Variants in CIITA observed in about 807,000 individuals in gnomAD.
CIITA encodes the protein class II major histocompatibility complex transactivator.
A neutral mutation model predicts 115.1 loss-of-function variants in CIITA; 72 were observed. That is an observed-to-expected ratio of 0.63 (90% confidence interval 0.52 to 0.76). The LOEUF (loss-of-function observed/expected upper bound fraction) is 0.76, where lower values mean the gene tolerates loss of function less well. Ranked by LOEUF, CIITA falls within the 30% of genes least tolerant of loss-of-function variation. The probability of loss-of-function intolerance (pLI) is 0.00; values close to 1 mark genes in which losing one functional copy is unlikely to be tolerated. For missense variants in CIITA, 1,617 were observed against 1,463.8 expected, an observed-to-expected ratio of 1.10 and a Z score of -1.71; for synonymous variants, 763 against 635.6, an observed-to-expected ratio of 1.20 and a Z score of -3.02.
chr16:10,878,183 G>A, intron 1 of CIITA, among the ~76,000 whole-genome samples: 1 of 152,118 alleles, frequency 6.6e-6, no homozygotes, highest in East Asian at 1.9e-4. Flanking sequence ...TGGTTAAAGG[G>A]GTGGTATCCC....
intron 1 of CIITA, among the ~76,000 whole-genome samples, chr16:10,893,672 G>T (rs2037819240): frequency 6.6e-6 from 1 of 151,844 alleles, no homozygotes; most frequent in African/African-American, 2.4e-5. Context: ...AGCCGGGTGT[G>T]GTGGTGGGTG....
chr16:10,870,250 C>T (rs1375655692), intron 1 of CIITA, among the ~76,000 whole-genome samples: 4 of 151,538 alleles, frequency 2.6e-5, no homozygotes, highest in East Asian at 1.9e-4. Context: ...CGTAAATCTA[C>T]CCCAAATAGG....
Position 10,933,712 on chromosome 16 carries a change from C to A in CIITA, c.*9857C>A, listed in dbSNP as rs2040897989. 6.6e-6 allele frequency: 1 copy of A among 152,344 alleles called. No individual in the cohort carries two copies. The allele number at this position is 152,344 out of a possible 1,614,324, so 9.4% of individuals were successfully genotyped here. On this transcript the variant is annotated 3_prime_UTR_variant, in exon 20 of 20. Transcript: ENST00000324288. ...CAGGGAACCTTCTCAAGGCTAGGGG[C>A]CTTCTGAAAGCAGCAGCACTTTTCC...
At chr16:10,881,101 C>G (rs1362014910) in intron 1 of CIITA, among the ~76,000 whole-genome samples, 1 of 151,870 alleles carries the variant, frequency 6.6e-6, no homozygotes, top group Admixed American at 6.6e-5. Context: ...TGGAGAAACC[C>G]CAACTCTACT....
chr16:10,892,362 G>A (rs902933409), intron 1 of CIITA, among the ~76,000 whole-genome samples: 13 of 151,928 alleles, frequency 8.6e-5, no homozygotes, highest in African/African-American at 2.7e-4. Flanking sequence ...TCAGGAATGG[G>A]GTGGCAAGTT....
Position 10,922,241 on chromosome 16 carries a change from G to A in CIITA, c.3224G>A (p.Arg1075Gln), listed in dbSNP as rs956925255. The stretch of plus-strand genomic sequence containing the variant: ...GTGCTTCCGGACATGGTGTCCCTCC[G>A]GGTGATGGAGTGAGTGTGGGAGTCT... ...ARVLPDMVSLRVMDVQYNKFT... is the reference protein window; with the variant it reads ...ARVLPDMVSLQVMDVQYNKFT... The change falls in exon 17 of 20, where the codon CGG becomes CAG. Residue 1075 changes from arginine (R) to glutamine (Q), a missense_variant. Coordinates refer to ENST00000324288, the MANE Select transcript of CIITA (RefSeq NM_000246.4). 1.1e-5 allele frequency: 17 copies of A among 1,614,076 alleles called. No homozygotes were observed. Among genetic ancestry groups the A allele is most frequent in the East Asian group, 2.2e-5 (1 of 44,892 alleles).
chr16:10,873,919 A>T (rs1049189738), upstream of CIITA, among the ~76,000 whole-genome samples: 2 of 152,164 alleles, frequency 1.3e-5, no homozygotes, highest in Admixed American at 6.5e-5. Context: ...GGCTCGGGGA[A>T]TCCTCATCAC....
chr16:10,892,082 G>A (rs1365669521), intron 1 of CIITA, among the ~76,000 whole-genome samples: 4 of 152,192 alleles, frequency 2.6e-5, no homozygotes, highest in East Asian at 3.8e-4. Flanking sequence ...CCAGCACTTT[G>A]GGAGGCCAAG....
chr16:10,914,637 T>C (rs1486392706), intron 13 of CIITA, among the ~76,000 whole-genome samples: 1 of 152,306 alleles, frequency 6.6e-6, no homozygotes, highest in South Asian at 2.1e-4. Context: ...ATTTTTCTCA[T>C]CCCCTTGAAG....
intron 1 of CIITA, among the ~76,000 whole-genome samples, chr16:10,878,589 C>T (rs988891807): frequency 6.6e-6 from 1 of 152,194 alleles, no homozygotes; most frequent in South Asian, 2.1e-4. Flanking sequence ...GCCATGTGCC[C>T]TCGGAGGTGG....
At chr16:10,895,846 A>G in intron 3 of CIITA, 82 bp downstream of exon 3, 3 of 1,328,970 alleles carry the variant, frequency 2.3e-6, no homozygotes, top group African/African-American at 1.4e-5. Flanking sequence ...CCCATTCATC[A>G]TGAGCCACGT....
Position 10,882,858 on chromosome 16 carries a change from T to C in CIITA, c.52+5476T>C, listed in dbSNP as rs528651629. Among the ~76,000 whole-genome samples, 9 of 152,102 alleles carry C rather than the reference T, an allele frequency of 5.9e-5. No homozygotes were observed. In the East Asian group the frequency reaches 1.7e-3, roughly 29 times the overall value. On this transcript the variant is annotated intron_variant, in intron 1 of 19. Transcript: ENST00000324288. Reference sequence around the variant, plus strand: ...ATTGCGGTGAGCCGAGATCACACCATTGCACTCCAGCCTGGGCAACAAGAG... The same window carrying C: ...ATTGCGGTGAGCCGAGATCACACCACTGCACTCCAGCCTGGGCAACAAGAG...
At chr16:10,874,818 G>A (rs935259478), upstream of CIITA, among the ~76,000 whole-genome samples, 2 of 152,200 alleles carry the variant, frequency 1.3e-5, no homozygotes, top group African/African-American at 4.8e-5. Context: ...TTGGCCATCG[G>A]TCTGAGGGTG....
At chr16:10,915,212 G>A (rs928177356) in intron 13 of CIITA, 6 of 376,862 alleles carry the variant, frequency 1.6e-5, no homozygotes, top group Admixed American at 7.3e-5. Flanking sequence ...ACCACACTTG[G>A]CTAATTATTG....
rs1215551483 is a variant in CIITA at position 10,925,272 on chromosome 16, AACCT to A, written c.*1419_*1422del. Reference sequence around the variant, plus strand: ...GGGATAGAGAGAGACCACTTTTCATAACCTAGCCTTAGAAGTCACACAGTATTAC... The same window carrying A: ...GGGATAGAGAGAGACCACTTTTCATAAGCCTTAGAAGTCACACAGTATTAC... On this transcript the variant is annotated 3_prime_UTR_variant, in exon 20 of 20. Coordinates refer to ENST00000324288, the MANE Select transcript of CIITA (RefSeq NM_000246.4). The A allele has an allele frequency of 2.0e-5, 3 of 152,248 alleles. No homozygotes were observed. Among genetic ancestry groups the A allele is most frequent in the African/African-American group, 7.2e-5 (3 of 41,458 alleles). The allele number at this position is 152,248 out of a possible 1,614,324, so 9.4% of individuals were successfully genotyped here. A position where few individuals can be genotyped will look rare whatever the true frequency, so the allele number is the denominator to read the frequency against.
chr16:10,883,641 C>G (rs2036638905), intron 1 of CIITA, among the ~76,000 whole-genome samples: 1 of 152,126 alleles, frequency 6.6e-6, no homozygotes, highest in Admixed American at 6.6e-5. Flanking sequence ...GTAGGATTTC[C>G]ACGTCCCTCT....
At chr16:10,867,159 G>C (rs1359472820) in intron 1 of CIITA, among the ~76,000 whole-genome samples, 1 of 152,072 alleles carries the variant, frequency 6.6e-6, no homozygotes, top group East Asian at 1.9e-4. Context: ...CAGGAGAATT[G>C]CTTGAACTGG....
chr16:10,879,423 C>T lies in CIITA; in HGVS notation c.52+2041C>T, dbSNP rs1363519124. ...TGCAGAGGTGCGCGCCCTTCTTGTA[C>T]GCCAGACTTTGGACCAGGGCCGCCG... is the stretch of plus-strand genomic sequence containing the variant. On this transcript the variant is annotated intron_variant, in intron 1 of 19. Coordinates refer to ENST00000324288, the MANE Select transcript of CIITA (RefSeq NM_000246.4). This position sits in a 1 kb window ranked among gnomAD's most constrained non-coding sequence, Gnocchi z 4.3. Among the ~76,000 whole-genome samples the T allele has an allele frequency of 6.6e-6, 1 of 152,202 alleles. No homozygotes were observed. The highest frequency in any genetic ancestry group is 2.1e-4 in the South Asian group (1 of 4,832).
chr16:10,909,973 A>T (rs1244984086), intron 12 of CIITA, among the ~76,000 whole-genome samples: 1 of 151,868 alleles, frequency 6.6e-6, no homozygotes, highest in Non-Finnish European at 1.5e-5. Context: ...GGCCTCAAGC[A>T]ATCCTCCTGC....
Sources: gnomAD v4.1 joint callset for allele counts (sites outside exome capture counted in the v4.1 genomes callset) on GRCh38, gnomAD v4.1.1 for gene constraint, Gnocchi (gnomAD v3.1) non-coding constraint, MANE v1.5 for transcripts, NCBI Gene and HGNC (gene_info 2026-07-23, HGNC 2026-07-21) for gene names.